The following RPF2 variants were observed in gnomAD, a reference collection of about 807,000 sequenced individuals.
The protein encoded by RPF2 is brix domain containing 1.
RPF2 carries 21 observed loss-of-function variants against 38.9 expected under a neutral mutation model. That is an observed-to-expected ratio of 0.54 (90% CI 0.38 to 0.78). The LOEUF (loss-of-function observed/expected upper bound fraction) is 0.78. Among genes scored for constraint, RPF2 ranks in the 30% least tolerant of loss-of-function variants. RPF2 has a pLI of 0.00. For synonymous variants in RPF2, 121 were observed against 126.2 expected (o/e 0.96, Z 0.28); for missense variants, 314 against 358.1 (o/e 0.88, Z 0.99).
intron 1 of RPF2, among the ~76,000 whole-genome samples, chr6:110,983,357 T>A (rs935389601): frequency 1.1e-5 from 1 of 87,552 alleles, no homozygotes; most frequent in African/African-American, 5.3e-5. Context: ...AAAAATTTGT[T>A]TTTTTTTGAG....
At chr6:110,995,537 G>C (rs753252244) in intron 4 of RPF2, among the ~76,000 whole-genome samples, 7 of 151,974 alleles carry the variant, frequency 4.6e-5, no homozygotes, top group Non-Finnish European at 1.0e-4. Context: ...AAGGAGTAAA[G>C]AAAAATGGAG....
chr6:110,985,151 ACTTAAT>A lies in RPF2; in HGVS notation c.156+17_156+22del. The A allele has an allele frequency of 6.3e-7, 1 of 1,597,350 alleles. No homozygotes were observed. The highest frequency in any genetic ancestry group is 8.5e-7 in the Non-Finnish European group (1 of 1,171,430). Reference sequence around the variant, plus strand: ...ACTTAAAGATGTGGTAAGTATATATACTTAATCTTTAAAAGGTATTGAAGTCATTTT... The same window carrying A: ...ACTTAAAGATGTGGTAAGTATATATACTTTAAAAGGTATTGAAGTCATTTT... On this transcript the variant is annotated intron_variant, in intron 2 of 9. Transcript: ENST00000441448.
Position 110,985,015 on chromosome 6 carries a change from A to G in RPF2, c.33A>G (p.Lys11=). The change falls in exon 2 of 10, where the codon AAA becomes AAG. Residue 11 remains lysine, a synonymous_variant. Transcript: ENST00000441448. ...GTGCTTTTCTGAACAGAAAGCCCAA[A>G]ACGAAAAGAGCCAAGAGATTCCTTG... The part of the protein sequence containing the change: MDTLDRVVKP[K]TKRAKRFLEK... 6.2e-7 allele frequency: 1 copy of G among 1,611,684 alleles called. No individual in the cohort carries two copies. The highest frequency in any genetic ancestry group is 1.1e-5 in the South Asian group (1 of 90,834).
At chr6:110,992,520 C>T (rs1011707549) in intron 4 of RPF2, among the ~76,000 whole-genome samples, 3 of 151,150 alleles carry the variant, frequency 2.0e-5, no homozygotes, top group Non-Finnish European at 4.4e-5. Flanking sequence ...TCAAGCAATC[C>T]TCCTGCCTCA....
chr6:110,984,852 A>AC (rs1771496645), intron 1 of RPF2, among the ~76,000 whole-genome samples, 154 bp from the exon 2 acceptor site: 1 of 150,170 alleles, frequency 6.7e-6, no homozygotes, highest in South Asian at 2.1e-4. Flanking sequence ...AAACAAACAA[A>AC]AAAAAACAAA....
At chr6:111,008,198 C>G (rs1771950522) in intron 7 of RPF2, 61 bp downstream of exon 7, 1 of 1,488,562 alleles carries the variant, frequency 6.7e-7, no homozygotes, top group Non-Finnish European at 8.9e-7. Context: ...CAGACTCTCA[C>G]TGGTGGCACT....
At chr6:110,990,586 G>C (rs1050109328) in intron 3 of RPF2, among the ~76,000 whole-genome samples, 4 of 55,926 alleles carry the variant, frequency 7.2e-5, no homozygotes, top group Non-Finnish European at 1.7e-4. Flanking sequence ...CTTTTCTTTT[G>C]TTTGTTTTTT....
chr6:110,989,125 A>G (rs2114294186), intron 3 of RPF2, 60 bp downstream of exon 3: 2 of 1,409,734 alleles, frequency 1.4e-6, no homozygotes, highest in South Asian at 3.1e-5. Context: ...AAAAGTAACC[A>G]CTTTATGGAA....
At position 110,999,694 on chromosome 6, in the gene RPF2, A is replaced by T; in HGVS notation, c.317-17A>T. Reference sequence around the variant, plus strand: ...CTTTGGGAAAAATACATGCTTAAAAATACATTTTCCTTCCAGGTCGTATGT... The same window carrying T: ...CTTTGGGAAAAATACATGCTTAAAATTACATTTTCCTTCCAGGTCGTATGT... On this transcript the variant is annotated splice_polypyrimidine_tract_variant and intron_variant, in intron 5 of 9. Coordinates refer to ENST00000441448, the MANE Select transcript of RPF2 (RefSeq NM_032194.3). 4 of 1,555,200 alleles carry T rather than the reference A, an allele frequency of 2.6e-6. No homozygotes were observed. The highest frequency in any genetic ancestry group is 3.6e-6 in the Non-Finnish European group (4 of 1,126,752).
chr6:110,996,551 A>G (rs1398717387), intron 4 of RPF2, among the ~76,000 whole-genome samples: 2 of 152,222 alleles, frequency 1.3e-5, no homozygotes, highest in Non-Finnish European at 2.9e-5. Context: ...GAATTTGTTC[A>G]GCAAATGAAA....
chr6:110,997,595 G>C (rs901029813), intron 5 of RPF2, among the ~76,000 whole-genome samples: 1 of 152,048 alleles, frequency 6.6e-6, no homozygotes, highest in Non-Finnish European at 1.5e-5. Flanking sequence ...ACAAAAATTA[G>C]CCAGGTGTAG....
chr6:111,001,102 G>C (rs1176300915), intron 6 of RPF2, among the ~76,000 whole-genome samples: 1 of 152,156 alleles, frequency 6.6e-6, no homozygotes, highest in Non-Finnish European at 1.5e-5. Context: ...AGTTTCCTCA[G>C]GTACAGGTGG....
At chr6:110,986,997 G>T (rs1771536480) in intron 2 of RPF2, among the ~76,000 whole-genome samples, 1 of 151,766 alleles carries the variant, frequency 6.6e-6, no homozygotes. Flanking sequence ...TATCTAGTAG[G>T]TTATTTGACT....
chr6:110,982,543 T>A, intron 1 of RPF2: 1 of 198,676 alleles, frequency 5.0e-6, no homozygotes, highest in South Asian at 8.7e-5. Flanking sequence ...TTCTGTAAAA[T>A]AGCGCTCACC....
intron 1 of RPF2, among the ~76,000 whole-genome samples, chr6:110,983,824 T>G (rs1333958762): frequency 6.6e-6 from 1 of 151,604 alleles, no homozygotes; most frequent in East Asian, 1.9e-4. Context: ...GGTCAGGAGA[T>G]CGAGACCATC....
At chr6:110,982,496 G>C in intron 1 of RPF2, 1 of 288,436 alleles carries the variant, frequency 3.5e-6, no homozygotes, top group South Asian at 5.7e-5. Context: ...AAAGCTTTGT[G>C]ACTTTGGGTC....
intron 3 of RPF2, 23 bp from the exon 4 acceptor site, chr6:110,991,724 T>A (rs1028970124): frequency 2.1e-6 from 2 of 964,986 alleles, no homozygotes; most frequent in African/African-American, 3.4e-5. Context: ...TTATTAAAAT[T>A]GTCACTTTTT....
At chr6:111,019,754 A>G (rs75043369) in intron 8 of RPF2, among the ~76,000 whole-genome samples, 31,158 of 152,008 alleles carry the variant, frequency 0.2, 3,351 homozygotes, top group South Asian at 0.32. Context: ...TAAAATAAAA[A>G]TTGTATAAAA....
intron 7 of RPF2, among the ~76,000 whole-genome samples, chr6:111,012,646 T>G (rs1272272822): frequency 6.6e-6 from 1 of 152,094 alleles, no homozygotes; most frequent in African/African-American, 2.4e-5. Flanking sequence ...AACTTAGGTC[T>G]CTCCAAAGTA....
Sources: gnomAD v4.1 joint callset for allele counts (sites outside exome capture counted in the v4.1 genomes callset) on GRCh38, gnomAD v4.1.1 for gene constraint, MANE v1.5 for transcripts, NCBI Gene and HGNC (gene_info 2026-07-23, HGNC 2026-07-21) for gene names.